SLC8A1: variants seen among roughly 807,000 people sequenced by gnomAD.
SLC8A1 encodes solute carrier family 8 member A1.
Under a neutral mutation model 68.3 loss-of-function variants are expected in SLC8A1, and 18 were observed. The observed-to-expected ratio is 0.26, with a 90% CI of 0.18 to 0.39. The LOEUF (loss-of-function observed/expected upper bound fraction) is 0.39. SLC8A1 is among the 10% of genes least tolerant of loss of function. The pLI is 1.00. For synonymous variants in SLC8A1, 475 were observed against 415.5 expected (o/e 1.14, Z -1.74); for missense variants, 985 against 1,156.7 (o/e 0.85, Z 2.15).
intron 7 of SLC8A1, among the ~76,000 whole-genome samples, chr2:40,126,047 T>C (rs2038018161): frequency 6.6e-6 from 1 of 152,118 alleles, no homozygotes; most frequent in Non-Finnish European, 1.5e-5. Flanking sequence ...AAACGGAAGC[T>C]CCTTAGGGGT....
chr2:40,171,877 A>T (rs1351289951), intron 4 of SLC8A1, among the ~76,000 whole-genome samples: 1 of 152,264 alleles, frequency 6.6e-6, no homozygotes, highest in Non-Finnish European at 1.5e-5. Context: ...AGGTCTGGGA[A>T]CAATAGGTAA....
At chr2:40,274,488 C>T (rs1395962696) in intron 2 of SLC8A1, among the ~76,000 whole-genome samples, 1 of 152,042 alleles carries the variant, frequency 6.6e-6, no homozygotes, top group Non-Finnish European at 1.5e-5. Context: ...CCGTTTAACG[C>T]TTGTGTGTAG....
intron 2 of SLC8A1, among the ~76,000 whole-genome samples, chr2:40,323,787 A>C (rs1322973602): frequency 2.0e-5 from 3 of 152,138 alleles, no homozygotes; most frequent in Non-Finnish European, 4.4e-5. Context: ...AAATATTTTT[A>C]AATGTTTAAG....
intron 2 of SLC8A1, among the ~76,000 whole-genome samples, chr2:40,305,605 T>C (rs535819167): frequency 6.6e-6 from 1 of 152,162 alleles, no homozygotes; most frequent in Non-Finnish European, 1.5e-5. Context: ...CTCAATAAGT[T>C]TGTTAGATAC....
chr2:40,263,844 C>G (rs149689500), intron 2 of SLC8A1, among the ~76,000 whole-genome samples: 2,035 of 152,210 alleles, frequency 0.013, 53 homozygotes, highest in African/African-American at 0.046. Flanking sequence ...CCAAAATTGA[C>G]AAATGGGATC....
chr2:40,303,979 C>G (rs1377624031), intron 2 of SLC8A1, among the ~76,000 whole-genome samples: 3 of 152,168 alleles, frequency 2.0e-5, no homozygotes, highest in Non-Finnish European at 4.4e-5. Context: ...TAGGTTGTGA[C>G]AGGCACCCGG....
At chr2:40,131,754 T>C (rs1231102058) in intron 7 of SLC8A1, among the ~76,000 whole-genome samples, 1 of 152,148 alleles carries the variant, frequency 6.6e-6, no homozygotes, top group Non-Finnish European at 1.5e-5. Context: ...GGTAGCTGTG[T>C]ATCACAGCTG....
intron 2 of SLC8A1, among the ~76,000 whole-genome samples, chr2:40,273,905 C>G (rs2066370078): frequency 6.9e-6 from 1 of 145,534 alleles, no homozygotes; most frequent in Non-Finnish European, 1.5e-5. Context: ...GATGTGCTGT[C>G]AGCCTCTCTC....
intron 2 of SLC8A1, among the ~76,000 whole-genome samples, chr2:40,280,917 C>T (rs1400051341): frequency 6.6e-6 from 1 of 152,196 alleles, no homozygotes; most frequent in Non-Finnish European, 1.5e-5. Context: ...TCTCTTTATA[C>T]AGTAACTCAG....
At chr2:40,112,530 A>G (rs963383074) in exon 8 of SLC8A1, 1 of 152,752 alleles carries the variant, frequency 6.5e-6, no homozygotes, top group East Asian at 1.9e-4. Context: ...AAAATTTGCT[A>G]CAGGATTATT....
At chr2:40,426,435 G>T (rs562670237) in intron 2 of SLC8A1, among the ~76,000 whole-genome samples, 42 of 152,070 alleles carry the variant, frequency 2.8e-4, no homozygotes, top group Admixed American at 9.8e-4. Flanking sequence ...TAATTGCATA[G>T]GATGAATGTT....
intron 2 of SLC8A1, among the ~76,000 whole-genome samples, chr2:40,309,191 T>C (rs957003105): frequency 6.6e-6 from 1 of 152,208 alleles, no homozygotes; most frequent in Non-Finnish European, 1.5e-5. Flanking sequence ...TAAATTTTGT[T>C]TATTCCTTAT....
intron 2 of SLC8A1, among the ~76,000 whole-genome samples, chr2:40,328,172 G>A (rs1022844331): frequency 1.3e-5 from 2 of 152,026 alleles, no homozygotes; most frequent in Admixed American, 1.3e-4. Context: ...GATAAATAGA[G>A]TAAAAAGAAA....
chr2:40,316,769 C>T (rs2074506547), intron 2 of SLC8A1, among the ~76,000 whole-genome samples: 1 of 151,928 alleles, frequency 6.6e-6, no homozygotes, highest in African/African-American at 2.4e-5. Flanking sequence ...CTCCCTCCCC[C>T]AATTTGTGTT....
intron 2 of SLC8A1, among the ~76,000 whole-genome samples, chr2:40,249,276 G>C (rs1558947503): frequency 6.6e-6 from 1 of 152,094 alleles, no homozygotes; most frequent in Non-Finnish European, 1.5e-5. Flanking sequence ...TTTTGATCTA[G>C]AAATGCCTAT....
intron 2 of SLC8A1, among the ~76,000 whole-genome samples, chr2:40,319,128 T>C (rs774374587): frequency 6.6e-6 from 1 of 152,070 alleles, no homozygotes; most frequent in Non-Finnish European, 1.5e-5. Flanking sequence ...TAACAGGCAG[T>C]GTGGGAATGG....
chr2:40,206,044 GT>G (rs1023195139), intron 2 of SLC8A1, among the ~76,000 whole-genome samples: 40 of 151,838 alleles, frequency 2.6e-4, no homozygotes, highest in African/African-American at 9.4e-4. Flanking sequence ...ATTGGAAAAA[GT>G]AAAGTTACAG....
At position 40,266,968 on chromosome 2, in the gene SLC8A1, T is replaced by G. The variant is rs148206431; in HGVS notation, c.1809-89113A>C. Among the ~76,000 whole-genome samples, 401 of 152,272 alleles carry G rather than the reference T, an allele frequency of 2.6e-3. 1 individual carries two copies. Among genetic ancestry groups the G allele is most frequent in the Admixed American group, 4.4e-3 (68 of 15,284 alleles). On this transcript the variant is annotated intron_variant, in intron 2 of 7. Coordinates refer to ENST00000406785, the Ensembl canonical transcript of SLC8A1. Reference sequence around the variant, plus strand: ...TTGTTAGGTCCCATAGAACTGGATGTACAGGTAAATGAGGGGGTGAGGGCT... The same window carrying G: ...TTGTTAGGTCCCATAGAACTGGATGGACAGGTAAATGAGGGGGTGAGGGCT...
chr2:40,503,868 T>C (rs1331033303), intron 1 of SLC8A1, among the ~76,000 whole-genome samples: 1 of 152,036 alleles, frequency 6.6e-6, no homozygotes, highest in Non-Finnish European at 1.5e-5. Flanking sequence ...ATTGTTAAAA[T>C]ATCTGTATTA....
Sources: gnomAD v4.1 joint callset for allele counts (sites outside exome capture counted in the v4.1 genomes callset) on GRCh38, gnomAD v4.1.1 for gene constraint, MANE v1.5 for transcripts, NCBI Gene and HGNC (gene_info 2026-07-23, HGNC 2026-07-21) for gene names.